SPDL1: variants seen among roughly 807,000 people sequenced by gnomAD.
SPDL1 encodes the protein spindle apparatus coiled-coil protein 1.
In SPDL1, 85 loss-of-function variants were observed where a neutral mutation model predicts 79.5. That is an observed-to-expected ratio of 1.07 (90% CI 0.90 to 1.28). The LOEUF (loss-of-function observed/expected upper bound fraction) is 1.28. Ranked by LOEUF, SPDL1 falls within the 50% of genes most tolerant of loss-of-function variation. SPDL1 has a pLI of 0.00. For synonymous variants in SPDL1, 269 were observed against 240.3 expected (o/e 1.12, Z -1.10); for missense variants, 703 against 697.8 (o/e 1.01, Z -0.08).
chr5:169,587,498 A>G (rs1755047916), intron 1 of SPDL1: 1 of 152,222 alleles, frequency 6.6e-6, no homozygotes, highest in African/African-American at 2.4e-5. Context: ...AATGAAAGCA[A>G]CATCCTTTAA....
intron 2 of SPDL1, among the ~76,000 whole-genome samples, chr5:169,589,690 CTTTT>C (rs566874398): frequency 8.2e-4 from 123 of 150,660 alleles, no homozygotes; most frequent in South Asian, 2.5e-3. Context: ...CCCTGATTCA[CTTTT>C]TTTTTCTTTT....
In SPDL1 at chr5:169,598,856, A is replaced by G. The variant is rs998747645; in HGVS notation, c.1137-116A>G. 10 of 1,339,692 alleles carry G rather than the reference A, an allele frequency of 7.5e-6. No individual in the cohort carries two copies. The Admixed American group carries it at 3.3e-4, about 44-fold the overall frequency. 83.0% of individuals were successfully genotyped at this position (1,339,692 alleles called of 1,614,324 possible). A position where few individuals can be genotyped will look rare whatever the true frequency, so the allele number is the denominator to read the frequency against. ...GTTTATTGTTTCTTTGTTACTAAAA[A>G]CCCCAGAAAAATGTATTTTTAACTA... On this transcript the variant is annotated intron_variant, in intron 9 of 11. Coordinates refer to ENST00000265295, the MANE Select transcript of SPDL1 (RefSeq NM_017785.5).
chr5:169,588,719 G>T, intron 2 of SPDL1, 144 bp downstream of exon 2: 1 of 612,864 alleles, frequency 1.6e-6, no homozygotes, highest in Non-Finnish European at 2.6e-6. Flanking sequence ...TGTTAAAAAA[G>T]AATGAACTAA....
At chr5:169,599,800 G>A (rs1755789470) in intron 10 of SPDL1, among the ~76,000 whole-genome samples, 1 of 152,236 alleles carries the variant, frequency 6.6e-6, no homozygotes, top group Non-Finnish European at 1.5e-5. Context: ...CAGTGAGCCA[G>A]GCGTGGTGGC....
intron 2 of SPDL1, 39 bp from the exon 3 acceptor site, chr5:169,591,009 A>AT: frequency 6.5e-7 from 1 of 1,542,052 alleles, no homozygotes; most frequent in Non-Finnish European, 8.9e-7. Flanking sequence ...GCTTTAGGCT[A>AT]TTTTTATGTA....
chr5:169,585,651 C>T (rs1484292028), intron 1 of SPDL1, among the ~76,000 whole-genome samples: 1 of 152,144 alleles, frequency 6.6e-6, no homozygotes, highest in East Asian at 1.9e-4. Context: ...GTTGGCTGGC[C>T]GTATCATGTA....
chr5:169,584,920 GA>G (rs1260223390), intron 1 of SPDL1, among the ~76,000 whole-genome samples: 3 of 151,920 alleles, frequency 2.0e-5, no homozygotes, highest in Non-Finnish European at 4.4e-5. Flanking sequence ...TGAGGCAGGA[GA>G]ATGGCGTGAA....
rs1168802573 is a variant in SPDL1, at chr5:169,598,979, A to G, written c.1144A>G (p.Ile382Val). ...QMKLDNLNKE[I>V]ESTKGELSIQ... ...CCTTTTTTATTATCATAGCAAAGAAATTGAAAGCACTAAAGGTGAATTGTC... is the reference window on the plus strand; with the variant it reads ...CCTTTTTTATTATCATAGCAAAGAAGTTGAAAGCACTAAAGGTGAATTGTC... Residue 382 changes from isoleucine (I) to valine (V), a missense_variant, in exon 10 of 12, where the codon ATT (isoleucine) becomes GTT (valine). By Grantham distance (29) the Ile-to-Val change is conservative. Transcript: ENST00000265295. 6.5e-7 allele frequency: 1 copy of G among 1,535,808 alleles called. No homozygotes were observed. Among genetic ancestry groups the G allele is most frequent in the African/African-American group, 1.4e-5 (1 of 72,024 alleles).
intron 11 of SPDL1, among the ~76,000 whole-genome samples, chr5:169,603,713 A>C (rs951985436): frequency 2.0e-5 from 3 of 152,038 alleles, no homozygotes; most frequent in Admixed American, 2.0e-4. Flanking sequence ...AATTAGCTGC[A>C]TGTGGGGGTG....
At chr5:169,600,419 C>T (rs1479713536) in intron 10 of SPDL1, among the ~76,000 whole-genome samples, 1 of 152,094 alleles carries the variant, frequency 6.6e-6, no homozygotes, top group Non-Finnish European at 1.5e-5. Flanking sequence ...GTAGTGAATC[C>T]TGATAATGTG....
rs753379535 is a variant in SPDL1 at position 169,596,698 on chromosome 5, T to C, written c.1029T>C (p.Phe343=). ...LLGEIRNLEK[F]KNLYDSMESK... is the part of the protein sequence containing the mutation. ...GTGAAATTAGAAATCTGGAGAAATT[T>C]AAGGTATGTATAACAGTTAAAAAAA... Residue 343 remains phenylalanine (F), a synonymous_variant, in exon 8 of 12, where the codon TTT becomes TTC. Coordinates refer to ENST00000265295, the MANE Select transcript of SPDL1 (RefSeq NM_017785.5). 7 of 1,594,760 alleles carry C rather than the reference T, an allele frequency of 4.4e-6. No homozygotes were observed. In the African/African-American group the frequency reaches 9.5e-5, roughly 22 times the overall value.
At chr5:169,585,136 A>G (rs768938529) in intron 1 of SPDL1, among the ~76,000 whole-genome samples, 1 of 152,182 alleles carries the variant, frequency 6.6e-6, no homozygotes, top group Non-Finnish European at 1.5e-5. Context: ...TTTCTCATCC[A>G]TTAGACCTCT....
chr5:169,586,739 A>C (rs1050285729), intron 1 of SPDL1, among the ~76,000 whole-genome samples: 12 of 152,148 alleles, frequency 7.9e-5, no homozygotes, highest in African/African-American at 2.9e-4. Flanking sequence ...AACCTTCAAA[A>C]TCTGGCCATT....
intron 10 of SPDL1, among the ~76,000 whole-genome samples, chr5:169,600,359 G>GA (rs1755817454): frequency 6.6e-6 from 1 of 152,182 alleles, no homozygotes; most frequent in African/African-American, 2.4e-5. Flanking sequence ...TATCCATTAT[G>GA]AATTTCAAAC....
Position 169,604,288 on chromosome 5 carries a change from A to T in SPDL1, c.*81A>T. On this transcript the variant is annotated 3_prime_UTR_variant, in exon 12 of 12. Transcript: ENST00000265295. Reference sequence around the variant, plus strand: ...TTAAGATTGTCTTGATCTGACATATATCACCTTCTGGGTTATTTACTCATT... The same window carrying T: ...TTAAGATTGTCTTGATCTGACATATTTCACCTTCTGGGTTATTTACTCATT... The T allele has an allele frequency of 7.6e-7, 1 of 1,316,456 alleles. No homozygotes were observed. Among genetic ancestry groups the T allele is most frequent in the Non-Finnish European group, 1.0e-6 (1 of 983,884 alleles). The allele number at this position is 1,316,456 out of a possible 1,614,324, so 81.5% of individuals were successfully genotyped here.
intron 2 of SPDL1, among the ~76,000 whole-genome samples, chr5:169,589,693 TTTTTTTC>T (rs1264990226): frequency 3.3e-5 from 5 of 151,792 alleles, no homozygotes; most frequent in Non-Finnish European, 5.9e-5. Context: ...TGATTCACTT[TTTTTTTC>T]TTTTTTCTTT....
intron 7 of SPDL1, 79 bp downstream of exon 7, chr5:169,594,760 A>G: frequency 1.1e-6 from 1 of 883,690 alleles, no homozygotes. Flanking sequence ...CAAAGAAACT[A>G]GCTTTTTCTG....
At chr5:169,603,436 G>C (rs1357341953) in intron 11 of SPDL1, among the ~76,000 whole-genome samples, 1 of 152,132 alleles carries the variant, frequency 6.6e-6, no homozygotes, top group Non-Finnish European at 1.5e-5. Context: ...TGTATGTCAT[G>C]TTAACATTAA....
rs1445314079 is a variant in SPDL1, at chr5:169,588,592, C to T, written c.159+17C>T. On this transcript the variant is annotated intron_variant, in intron 2 of 11. Coordinates refer to ENST00000265295, the MANE Select transcript of SPDL1 (RefSeq NM_017785.5). ...ATGACTGAGGTAGGACTCTGGACTC[C>T]TCTGTCTGCAAGAGTGTGCTTAGCT... The T allele has an allele frequency of 3.8e-6, 6 of 1,596,790 alleles. No individual in the cohort carries two copies. The Admixed American group carries it at 1.0e-4, about 28-fold the overall frequency.
Sources: gnomAD v4.1 joint callset for allele counts (sites outside exome capture counted in the v4.1 genomes callset) on GRCh38, gnomAD v4.1.1 for gene constraint, MANE v1.5 for transcripts, NCBI Gene and HGNC (gene_info 2026-07-23, HGNC 2026-07-21) for gene names.